Variants in CLDN16 observed in about 807,000 individuals in gnomAD.
The protein encoded by CLDN16 is claudin 16, also known as claudin-16.
CLDN16 carries 13 observed loss-of-function variants against 24.6 expected under a neutral mutation model. The observed-to-expected ratio is 0.53, with a 90% CI of 0.34 to 0.84. The LOEUF (loss-of-function observed/expected upper bound fraction) is 0.84. CLDN16 is among the 40% of genes least tolerant of loss of function. The pLI is 0.01. For synonymous variants in CLDN16, 116 were observed against 106.7 expected (o/e 1.09, Z -0.54); for missense variants, 298 against 292.7 (o/e 1.02, Z -0.13).
the CLDN16 span, among the ~76,000 whole-genome samples, chr3:190,294,246 T>A: frequency 9.9e-5 from 15 of 152,276 alleles, no homozygotes; most frequent in Middle Eastern, 3.4e-3. Flanking sequence ...TCTGACCTCA[T>A]GACTTTATCA....
At chr3:190,343,483 G>A (rs182387160) in intron 1 of CLDN16, among the ~76,000 whole-genome samples, 5,956 of 152,052 alleles carry the variant, frequency 0.039, 382 homozygotes, top group African/African-American at 0.13. Context: ...TCACCACCTC[G>A]TAAAGATATC....
chr3:190,407,815 T>G (rs1039296303), intron 3 of CLDN16, among the ~76,000 whole-genome samples: 2 of 152,192 alleles, frequency 1.3e-5, no homozygotes, highest in Non-Finnish European at 1.5e-5. Context: ...AGTTTTCACA[T>G]GGGTGCTGAT....
chr3:190,375,151 A>C lies in CLDN16; in HGVS notation n.306+548A>C, dbSNP rs77782900. 3.8e-3 allele frequency among the ~76,000 whole-genome samples: 583 copies of C among 152,096 alleles called. 5 individuals are homozygous for C. Among genetic ancestry groups the C allele is most frequent in the African/African-American group, 0.013 (558 of 41,550 alleles). ...GGATGTTTAAACTCCTGTTGGTGAG[A>C]TGCACTTTAGGAGAAGTGATAAGAT... On this transcript the variant is annotated intron_variant and non_coding_transcript_variant, in intron 3 of 4. Transcript: ENST00000468220.
intron 1 of CLDN16, among the ~76,000 whole-genome samples, chr3:190,331,385 T>A (rs1200986563): frequency 6.6e-6 from 1 of 152,224 alleles, no homozygotes; most frequent in African/African-American, 2.4e-5. Flanking sequence ...GCTACAGTAT[T>A]ATTTGGTAAA....
chr3:190,372,137 C>T (rs551268602), intron 2 of CLDN16, among the ~76,000 whole-genome samples: 71 of 151,988 alleles, frequency 4.7e-4, no homozygotes, highest in Non-Finnish European at 7.7e-4. Context: ...TACTTGAGGC[C>T]GGCTAAGGAT....
chr3:190,294,593 A>C, the CLDN16 span, among the ~76,000 whole-genome samples: 4 of 152,184 alleles, frequency 2.6e-5, no homozygotes, highest in African/African-American at 9.6e-5. Flanking sequence ...TTAACAAAAT[A>C]AACTTTCTTT....
chr3:190,358,624 G>T (rs546255362), intron 1 of CLDN16, among the ~76,000 whole-genome samples: 65 of 151,954 alleles, frequency 4.3e-4, no homozygotes, highest in Admixed American at 1.9e-3. Flanking sequence ...TTATTCCCAA[G>T]ATTTCATAAT....
chr3:190,326,485 T>G (rs1717064373), intron 1 of CLDN16, among the ~76,000 whole-genome samples: 1 of 152,170 alleles, frequency 6.6e-6, no homozygotes, highest in Non-Finnish European at 1.5e-5. Flanking sequence ...TCTCCAAGCC[T>G]TGCGATGTTT....
the CLDN16 span, among the ~76,000 whole-genome samples, chr3:190,304,629 A>G: frequency 6.6e-6 from 1 of 152,154 alleles, no homozygotes; most frequent in African/African-American, 2.4e-5. Flanking sequence ...AATGACTTCT[A>G]TCAAAGTTGC....
intron 1 of CLDN16, among the ~76,000 whole-genome samples, chr3:190,395,555 C>A (rs1718795817): frequency 6.6e-6 from 1 of 151,760 alleles, no homozygotes; most frequent in Non-Finnish European, 1.5e-5. Context: ...AGTAGTCAAA[C>A]GTTATTTACT....
intron 1 of CLDN16, among the ~76,000 whole-genome samples, chr3:190,336,622 G>A (rs1383051699): frequency 6.6e-6 from 1 of 152,178 alleles, no homozygotes; most frequent in Admixed American, 6.5e-5. Context: ...GGCTTATGTG[G>A]CCCAACAGAT....
At chr3:190,368,063 C>T (rs1718061438) in intron 1 of CLDN16, among the ~76,000 whole-genome samples, 1 of 151,926 alleles carries the variant, frequency 6.6e-6, no homozygotes, top group South Asian at 2.1e-4. Flanking sequence ...GGCAGGCAGC[C>T]TTTAAGATAG....
At position 190,388,339 on chromosome 3, in the gene CLDN16, C is replaced by A. The variant is rs1199775812; in HGVS notation, c.10C>A (p.Leu4Ile). The A allele has an allele frequency of 6.2e-7, 1 of 1,614,094 alleles. No homozygotes were observed. Among genetic ancestry groups the A allele is most frequent in the East Asian group, 2.2e-5 (1 of 44,864 alleles). MRDLLQYIACFFAF... is the reference protein window; with the variant it reads MRDILQYIACFFAF... ...TGGGCTGCTTGCCACAATGAGGGATCTTCTTCAATACATCGCTTGCTTCTT... is the reference window on the plus strand; with the variant it reads ...TGGGCTGCTTGCCACAATGAGGGATATTCTTCAATACATCGCTTGCTTCTT... The change falls in exon 1 of 5, where the codon CTT (leucine) becomes ATT (isoleucine). Residue 4 changes from leucine to isoleucine, a missense_variant. Coordinates refer to ENST00000264734, the MANE Select transcript of CLDN16 (RefSeq NM_006580.4).
At chr3:190,369,353 A>G (rs542241843) in intron 1 of CLDN16, among the ~76,000 whole-genome samples, 1 of 152,064 alleles carries the variant, frequency 6.6e-6, no homozygotes, top group African/African-American at 2.4e-5. Flanking sequence ...TAACTGATTC[A>G]TAAAGCTATT....
chr3:190,371,013 C>A (rs1718128163), intron 2 of CLDN16: 1 of 25,490 alleles, frequency 3.9e-5, no homozygotes, highest in Non-Finnish European at 7.6e-5. Context: ...TGAGTTAATA[C>A]CTTTATATAT....
At chr3:190,310,185 T>A in the CLDN16 span, 1 of 1,613,730 alleles carries the variant, frequency 6.2e-7, no homozygotes, top group Non-Finnish European at 8.5e-7. Flanking sequence ...TTGACTGGGG[T>A]CATAGGGTCA....
intron 1 of CLDN16, among the ~76,000 whole-genome samples, chr3:190,360,581 A>G (rs973627769): frequency 5.9e-5 from 9 of 151,984 alleles, no homozygotes; most frequent in Admixed American, 5.3e-4. Flanking sequence ...ATTATATTCC[A>G]TTACATTATT....
At chr3:190,408,061 C>T (rs907834058) in intron 3 of CLDN16, among the ~76,000 whole-genome samples, 12 of 152,242 alleles carry the variant, frequency 7.9e-5, no homozygotes, top group African/African-American at 1.9e-4. Context: ...TCGATTTACA[C>T]AGATAAGCAC....
chr3:190,383,704 C>A (rs1577418794), upstream of CLDN16, among the ~76,000 whole-genome samples: 1 of 152,148 alleles, frequency 6.6e-6, no homozygotes, highest in Non-Finnish European at 1.5e-5. Context: ...CCATAGGAGA[C>A]AAAAATGAAA....
Sources: allele counts gnomAD v4.1 joint callset (sites outside exome capture counted in the v4.1 genomes callset), GRCh38; gene constraint gnomAD v4.1.1; transcripts MANE v1.5; gene names NCBI Gene and HGNC (gene_info 2026-07-23, HGNC 2026-07-21).